Variants in ELAVL2 observed in about 807,000 individuals in gnomAD.
The protein encoded by ELAVL2 is ELAV like RNA binding protein 2.
A neutral mutation model predicts 34.6 loss-of-function variants in ELAVL2; 4 were observed. That is an observed-to-expected ratio of 0.12 (90% CI 0.06 to 0.26). The LOEUF is 0.26. Among genes scored for constraint, ELAVL2 ranks in the 10% least tolerant of loss-of-function variants. The pLI is 1.00. For missense variants in ELAVL2, 432 were observed against 442.8 expected, an observed-to-expected ratio of 0.98 and a Z score of 0.22; for synonymous variants, 193 against 154.8, an observed-to-expected ratio of 1.25 and a Z score of -1.83.
intron 1 of ELAVL2, among the ~76,000 whole-genome samples, chr9:23,822,422 G>A (rs906095410): frequency 5.9e-5 from 9 of 152,084 alleles, no homozygotes; most frequent in African/African-American, 2.2e-4. Flanking sequence ...ACTCGACTAT[G>A]CAAACGCTTG....
chr9:23,722,818 T>A (rs565149729), intron 3 of ELAVL2, among the ~76,000 whole-genome samples: 1 of 152,126 alleles, frequency 6.6e-6, no homozygotes, highest in Non-Finnish European at 1.5e-5. Flanking sequence ...TTCAAAACAG[T>A]AAAAAGATAA....
intron 1 of ELAVL2, chr9:23,821,764 G>GCGCCA (rs2064802123): frequency 6.7e-6 from 1 of 150,090 alleles, no homozygotes; most frequent in Non-Finnish European, 1.5e-5. Context: ...CACCCGCGCC[G>GCGCCA]CGCCGCGCCG....
chr9:23,830,626 C>CACCT (rs1491521757), upstream of ELAVL2, among the ~76,000 whole-genome samples: 2,326 of 72,436 alleles, frequency 0.032, 35 homozygotes, highest in Non-Finnish European at 0.058. Context: ...ACACACACAC[C>CACCT]TTTTTTTTTT....
At chr9:23,753,973 G>T (rs897416721) in intron 2 of ELAVL2, among the ~76,000 whole-genome samples, 5 of 152,128 alleles carry the variant, frequency 3.3e-5, no homozygotes, top group African/African-American at 4.8e-5. Flanking sequence ...TAATCTACTG[G>T]TAAGGCAAAT....
intron 5 of ELAVL2, among the ~76,000 whole-genome samples, chr9:23,700,841 C>T (rs1025072613): frequency 6.6e-6 from 1 of 151,566 alleles, no homozygotes; most frequent in Non-Finnish European, 1.5e-5. Flanking sequence ...ACAGAAACAG[C>T]TTGACCTAAA....
At chr9:23,783,109 A>G (rs2059275854) in intron 1 of ELAVL2, among the ~76,000 whole-genome samples, 1 of 148,226 alleles carries the variant, frequency 6.7e-6, no homozygotes, top group Non-Finnish European at 1.5e-5. Flanking sequence ...AAAGGGCAAT[A>G]AGCATACCTG....
intron 1 of ELAVL2, among the ~76,000 whole-genome samples, chr9:23,792,591 C>G (rs559719773): frequency 1.3e-5 from 2 of 152,278 alleles, no homozygotes; most frequent in South Asian, 2.1e-4. Context: ...CATGCTATCA[C>G]TTGCTCAAAT....
chr9:23,765,253 C>T (rs1412085717), intron 1 of ELAVL2, among the ~76,000 whole-genome samples: 1 of 152,096 alleles, frequency 6.6e-6, no homozygotes, highest in Non-Finnish European at 1.5e-5. Context: ...TCTAATCTTT[C>T]CAAATTCATT....
At chr9:23,832,209 GA>G in the ELAVL2 span, 1 of 152,112 alleles carries the variant, frequency 6.6e-6, no homozygotes, top group Admixed American at 6.5e-5. Context: ...AGAGATTCCA[GA>G]ATGATTTTTA....
chr9:23,807,692 C>A (rs1436119041), intron 1 of ELAVL2, among the ~76,000 whole-genome samples: 1 of 152,102 alleles, frequency 6.6e-6, no homozygotes, highest in Non-Finnish European at 1.5e-5. Flanking sequence ...ACCAAATAAT[C>A]CAATCAATGA....
chr9:23,807,912 T>C (rs890337055), intron 1 of ELAVL2, among the ~76,000 whole-genome samples: 4 of 152,178 alleles, frequency 2.6e-5, no homozygotes, highest in South Asian at 2.1e-4. Flanking sequence ...CTGCTGGGCT[T>C]TGCATTCACC....
At chr9:23,735,105 C>G (rs10966054) in intron 2 of ELAVL2, 1 of 27,952 alleles carries the variant, frequency 3.6e-5, no homozygotes, top group Admixed American at 4.4e-4. Context: ...TAAGGCTCTT[C>G]AAAAAAAAAA....
chr9:23,761,987 T>G lies in ELAVL2; in HGVS notation c.229+19A>C, dbSNP rs1260461859. 6.3e-7 allele frequency: 1 copy of G among 1,594,462 alleles called. No homozygotes were observed. Among genetic ancestry groups the G allele is most frequent in the Non-Finnish European group, 8.6e-7 (1 of 1,168,944 alleles). On this transcript the variant is annotated intron_variant, in intron 2 of 6. Transcript: ENST00000397312. The stretch of plus-strand genomic sequence containing the variant: ...GACACGATCCGTTAAATATAAATCA[T>G]CTACATAAAACTGCTTACCTGTTAT...
the ELAVL2 span, among the ~76,000 whole-genome samples, chr9:23,837,214 G>A: frequency 9.2e-5 from 14 of 152,178 alleles, no homozygotes; most frequent in Non-Finnish European, 1.5e-4. Flanking sequence ...AGAGACAAGA[G>A]CCTGTCAGGC....
intron 1 of ELAVL2, among the ~76,000 whole-genome samples, chr9:23,795,409 G>A (rs2060799525): frequency 6.6e-6 from 1 of 152,064 alleles, no homozygotes; most frequent in Admixed American, 6.6e-5. Context: ...TTCGTGTGGT[G>A]GTACATGGCT....
At chr9:23,765,138 G>A in intron 1 of ELAVL2, 1 of 1,529,768 alleles carries the variant, frequency 6.5e-7, no homozygotes, top group Non-Finnish European at 8.8e-7. Flanking sequence ...TGTTAGATGA[G>A]CAAGATAATG....
chr9:23,710,710 G>A (rs138781409), intron 3 of ELAVL2, among the ~76,000 whole-genome samples: 13 of 152,046 alleles, frequency 8.6e-5, no homozygotes, highest in African/African-American at 2.9e-4. Context: ...CTATTTAAAC[G>A]GACAGTTAAT....
intron 3 of ELAVL2, among the ~76,000 whole-genome samples, chr9:23,719,282 C>T (rs1208502738): frequency 6.6e-6 from 1 of 152,102 alleles, no homozygotes; most frequent in Non-Finnish European, 1.5e-5. Flanking sequence ...GTAATTAAAC[C>T]GCCAAATAGT....
intron 2 of ELAVL2, among the ~76,000 whole-genome samples, chr9:23,741,984 C>T (rs1212622474): frequency 6.6e-6 from 1 of 152,116 alleles, no homozygotes; most frequent in Non-Finnish European, 1.5e-5. Flanking sequence ...AGGATTGAAA[C>T]CTAGCAACTC....
Sources: allele counts gnomAD v4.1 joint callset (sites outside exome capture counted in the v4.1 genomes callset), GRCh38; gene constraint gnomAD v4.1.1; transcripts MANE v1.5; gene names NCBI Gene and HGNC (gene_info 2026-07-23, HGNC 2026-07-21).